SCMH1: variants seen among roughly 807,000 people sequenced by gnomAD.
SCMH1 encodes the protein Scm polycomb group protein homolog 1, also known as polycomb protein SCMH1.
SCMH1 carries 37 observed loss-of-function variants against 70.8 expected under a neutral mutation model. The ratio of observed to expected loss-of-function variants is 0.52; its 90% CI spans 0.40 to 0.69. The LOEUF (loss-of-function observed/expected upper bound fraction) is 0.69, where lower values mean the gene tolerates loss of function less well. Ranked by LOEUF, SCMH1 falls within the 30% of genes least tolerant of loss-of-function variation. The pLI is 0.00. For synonymous variants in SCMH1, 292 were observed against 307.4 expected, an observed-to-expected ratio of 0.95 and a Z score of 0.52; for missense variants, 607 against 827.3, an observed-to-expected ratio of 0.73 and a Z score of 3.27.
intron 12 of SCMH1, chr1:41,038,104 C>T (rs1558337934): frequency 6.6e-6 from 1 of 152,380 alleles, no homozygotes; most frequent in African/African-American, 2.4e-5. Flanking sequence ...AGATGAGAAT[C>T]GGGTATAATC....
chr1:41,129,953 AAC>A (rs1448426737), intron 6 of SCMH1, among the ~76,000 whole-genome samples: 1 of 152,144 alleles, frequency 6.6e-6, no homozygotes, highest in African/African-American at 2.4e-5. Context: ...TCCTACCAGC[AAC>A]AGACATTCCC....
At chr1:41,183,067 T>G (rs1372558245) in intron 2 of SCMH1, among the ~76,000 whole-genome samples, 1 of 152,168 alleles carries the variant, frequency 6.6e-6, no homozygotes, top group Non-Finnish European at 1.5e-5. Context: ...ATATCTTTCT[T>G]CTCTGGCAGT....
intron 13 of SCMH1, among the ~76,000 whole-genome samples, chr1:41,034,735 G>T (rs976529071): frequency 2.2e-4 from 34 of 152,142 alleles, no homozygotes; most frequent in African/African-American, 8.2e-4. Context: ...GTGTGGAAGT[G>T]ACATTCTCCT....
intron 1 of SCMH1, among the ~76,000 whole-genome samples, chr1:41,233,301 T>C (rs1393836389): frequency 1.3e-5 from 2 of 152,216 alleles, no homozygotes; most frequent in African/African-American, 4.8e-5. Context: ...ATATTTGGGA[T>C]TGAACTACTA....
chr1:41,032,059 A>ATGGC (rs1472847210), intron 13 of SCMH1, among the ~76,000 whole-genome samples: 1 of 152,188 alleles, frequency 6.6e-6, no homozygotes, highest in Non-Finnish European at 1.5e-5. Context: ...CAGTGAGAAG[A>ATGGC]TGGCTGTCTA....
In SCMH1 at chr1:41,182,093, G is replaced by A. The variant is rs1009012456; in HGVS notation, c.13+4028C>T. Among the ~76,000 whole-genome samples, 4 of 152,176 alleles carry A rather than the reference G, an allele frequency of 2.6e-5. 1 individual carries two copies. The South Asian group carries it at 6.2e-4, about 24-fold the overall frequency. On this transcript the variant is annotated intron_variant, in intron 2 of 14. Coordinates refer to ENST00000337495, the Ensembl canonical transcript of SCMH1. ...AAACCATCATCCTCAACAAACTATC[G>A]CAAGGACAAAAAACCAAACACCGCA...
intron 8 of SCMH1, among the ~76,000 whole-genome samples, chr1:41,097,239 G>C (rs1276905552): frequency 6.6e-6 from 1 of 152,078 alleles, no homozygotes; most frequent in Non-Finnish European, 1.5e-5. Context: ...TTCAGACTTA[G>C]CTTTCTGGTT....
intron 1 of SCMH1, among the ~76,000 whole-genome samples, chr1:41,226,041 A>G (rs1039211380): frequency 6.6e-6 from 1 of 152,182 alleles, no homozygotes; most frequent in Non-Finnish European, 1.5e-5. Flanking sequence ...CTACTATTCA[A>G]TGTGTGGTCT....
chr1:41,028,558 C>T (rs754973906), intron 14 of SCMH1, 26 bp downstream of exon 15: 1 of 1,613,800 alleles, frequency 6.2e-7, no homozygotes, highest in Non-Finnish European at 8.5e-7. Context: ...CAGGTTCCTA[C>T]TGAGAGGTCA....
chr1:41,070,457 T>C (rs41303409), intron 10 of SCMH1, 138 bp downstream of exon 10: 577 of 1,158,838 alleles, frequency 5.0e-4, no homozygotes, highest in Non-Finnish European at 6.4e-4. Flanking sequence ...TTATTTCAAA[T>C]GCCAAAGATA....
At chr1:41,227,901 C>A (rs1469407304) in intron 1 of SCMH1, among the ~76,000 whole-genome samples, 1 of 152,042 alleles carries the variant, frequency 6.6e-6, no homozygotes, top group East Asian at 1.9e-4. Context: ...TCATGTGAAC[C>A]CTGGAGGTGG....
chr1:41,131,716 C>A (rs1194769962), intron 6 of SCMH1, among the ~76,000 whole-genome samples: 4 of 152,268 alleles, frequency 2.6e-5, no homozygotes, highest in Admixed American at 1.3e-4. Flanking sequence ...CTCCCACCCC[C>A]CAGCAGGCCC....
chr1:41,186,226 T>A, exon 2 of SCMH1: 1 of 728,126 alleles, frequency 1.4e-6, no homozygotes, highest in Non-Finnish European at 2.5e-6. Flanking sequence ...GACAAGTCAG[T>A]TTCTTTGTAT....
At chr1:41,135,537 A>G (rs1643153136) in intron 6 of SCMH1, among the ~76,000 whole-genome samples, 1 of 152,138 alleles carries the variant, frequency 6.6e-6, no homozygotes, top group Admixed American at 6.6e-5. Flanking sequence ...CCCTTCCACC[A>G]TGAATGTAAG....
intron 6 of SCMH1, among the ~76,000 whole-genome samples, chr1:41,139,504 T>G (rs1473970060): frequency 6.6e-6 from 1 of 152,228 alleles, no homozygotes; most frequent in Non-Finnish European, 1.5e-5. Flanking sequence ...TGGAAATATT[T>G]GATTTACATG....
chr1:41,161,497 G>A, intron 2 of SCMH1, 65 bp from the exon 3 acceptor site: 1 of 1,495,590 alleles, frequency 6.7e-7, no homozygotes, highest in Non-Finnish European at 8.9e-7. Context: ...TTTCCAATTT[G>A]GCAGTATGTA....
chr1:41,159,914 A>C, intron 4 of SCMH1: 103 of 948,126 alleles, frequency 1.1e-4, no homozygotes, highest in Non-Finnish European at 1.3e-4. Flanking sequence ...CCATTAGCTC[A>C]TGTAATCTTC....
chr1:41,196,496 G>C (rs979808614), intron 1 of SCMH1, among the ~76,000 whole-genome samples: 4 of 152,102 alleles, frequency 2.6e-5, no homozygotes, highest in African/African-American at 9.7e-5. Flanking sequence ...TCCAGATGCA[G>C]GAGAATGAAG....
rs889837348 is a variant in SCMH1, at chr1:41,214,927, C to T, written c.-118+27132G>A. ...CAGAATGGTAGAAGGAAAATGAAAG[C>T]GCTTCTTCAAAATGCTAAACGTAGT... On this transcript the variant is annotated intron_variant, in intron 1 of 14. Coordinates refer to ENST00000337495, the Ensembl canonical transcript of SCMH1. Among the ~76,000 whole-genome samples, 8 of 152,238 alleles carry T rather than the reference C, an allele frequency of 5.3e-5. No homozygotes were observed. The East Asian group carries it at 7.7e-4, about 15-fold the overall frequency.
Sources: gnomAD v4.1 joint callset for allele counts (sites outside exome capture counted in the v4.1 genomes callset) on GRCh38, gnomAD v4.1.1 for gene constraint, MANE v1.5 for transcripts, NCBI Gene and HGNC (gene_info 2026-07-23, HGNC 2026-07-21) for gene names.